Variants in TENM1 observed in about 807,000 individuals in gnomAD.
The protein encoded by TENM1 is teneurin transmembrane protein 1.
Under a neutral mutation model 174.8 loss-of-function variants are expected in TENM1, and 35 were observed. The observed-to-expected ratio is 0.20, with a 90% CI of 0.15 to 0.27. The LOEUF (loss-of-function observed/expected upper bound fraction) is 0.27. Ranked by LOEUF, TENM1 falls within the 10% of genes least tolerant of loss-of-function variation. The pLI is 1.00. For missense variants in TENM1, 1,633 were observed against 2,130.1 expected, an observed-to-expected ratio of 0.77 and a Z score of 4.59; for synonymous variants, 781 against 798.7, an observed-to-expected ratio of 0.98 and a Z score of 0.37.
At chrX:125,020,477 G>GT in the TENM1 span, among the ~76,000 whole-genome samples, 1 of 108,851 alleles carries the variant, frequency 9.2e-6, no homozygotes, top group Admixed American at 9.9e-5. Context: ...CTTTCCCAAA[G>GT]TTTTTTTCCT....
intron 11 of TENM1, 31 bp downstream of exon 14, chrX:124,641,760 A>G (rs1221187891): frequency 6.1e-6 from 7 of 1,151,689 alleles, no homozygotes; most frequent in South Asian, 3.6e-5. Flanking sequence ...TTAAGAGTAG[A>G]GGAAGGAGAA....
At chrX:124,927,996 T>C (rs367929868) in intron 1 of TENM1, among the ~76,000 whole-genome samples, 286 of 591 alleles carry the variant, frequency 0.48, 3 homozygotes, top group Admixed American at 0.59. Context: ...TGACAACCAG[T>C]GTCATTTGAT....
chrX:124,855,406 C>T (rs761869618), intron 3 of TENM1, among the ~76,000 whole-genome samples: 22 of 111,657 alleles, frequency 2.0e-4, no homozygotes, highest in Non-Finnish European at 4.0e-4. Flanking sequence ...AAGTGTACTA[C>T]TTTGTGTGAA....
the TENM1 span, among the ~76,000 whole-genome samples, chrX:125,050,487 G>GA: frequency 1.8e-5 from 2 of 111,157 alleles, no homozygotes; most frequent in Non-Finnish European, 3.8e-5. Context: ...CAAAGGACAT[G>GA]AACTCATCCT....
chrX:124,910,461 A>T (rs2057817918), intron 1 of TENM1, among the ~76,000 whole-genome samples: 1 of 112,238 alleles, frequency 8.9e-6, no homozygotes, highest in Non-Finnish European at 1.9e-5. Flanking sequence ...TACAGGATAG[A>T]TGTAATATGA....
chrX:125,126,393 C>A, the TENM1 span, among the ~76,000 whole-genome samples: 1 of 111,545 alleles, frequency 9.0e-6, no homozygotes, highest in Non-Finnish European at 1.9e-5. Flanking sequence ...CAGACAGCAT[C>A]AGATTAAGGT....
chrX:124,869,391 A>T (rs948296109), intron 3 of TENM1, among the ~76,000 whole-genome samples: 2 of 111,914 alleles, frequency 1.8e-5, no homozygotes, highest in African/African-American at 6.5e-5. Context: ...CAGTTTGGAG[A>T]TTCTTCAAAA....
the TENM1 span, among the ~76,000 whole-genome samples, chrX:125,070,742 C>T: frequency 9.0e-6 from 1 of 111,503 alleles, no homozygotes; most frequent in African/African-American, 3.3e-5. Flanking sequence ...ATTCTGTGTT[C>T]CTCAAACTGG....
intron 25 of TENM1, among the ~76,000 whole-genome samples, chrX:124,407,366 T>G (rs1301527529): frequency 8.9e-6 from 1 of 112,214 alleles, no homozygotes; most frequent in East Asian, 2.8e-4. Flanking sequence ...AGTAAACACA[T>G]GTACTTGGAA....
At chrX:124,947,419 T>C (rs764076839) in intron 1 of TENM1, among the ~76,000 whole-genome samples, 2 of 112,100 alleles carry the variant, frequency 1.8e-5, no homozygotes, top group African/African-American at 3.2e-5. Context: ...CCAGTAGACA[T>C]ATGTTCAAGT....
intron 1 of TENM1, among the ~76,000 whole-genome samples, chrX:124,900,524 T>C (rs1172030319): frequency 1.8e-5 from 2 of 111,533 alleles, no homozygotes; most frequent in African/African-American, 3.3e-5. Flanking sequence ...TAAGTATACG[T>C]AGTAAGTGTA....
At chrX:124,679,389 G>A (rs374312279) in intron 5 of TENM1, among the ~76,000 whole-genome samples, 3 of 111,233 alleles carry the variant, frequency 2.7e-5, no homozygotes, top group African/African-American at 9.8e-5. Context: ...AAATATATAC[G>A]AAGTACATTA....
chrX:124,847,876 T>C (rs776433970), intron 3 of TENM1, among the ~76,000 whole-genome samples: 1 of 111,569 alleles, frequency 9.0e-6, no homozygotes, highest in African/African-American at 3.2e-5. Flanking sequence ...GGCATTATTA[T>C]ATATTATCAA....
the TENM1 span, among the ~76,000 whole-genome samples, chrX:125,096,233 G>A: frequency 1.8e-5 from 2 of 111,847 alleles, no homozygotes; most frequent in Non-Finnish European, 3.8e-5. Flanking sequence ...TAAAAACGAA[G>A]ACCAATACTT....
Position 124,417,551 on chromosome X carries a change from T to G in TENM1, c.4982+2760A>C, listed in dbSNP as rs769394326. ...TAAACATGGAGTGCTTCATGGTCAG[T>G]CTTCAGATCTCTTTTCTTCATTGTC... is the stretch of plus-strand genomic sequence containing the variant. On this transcript the variant is annotated intron_variant, in intron 25 of 31. Transcript: ENST00000422452. Among the ~76,000 whole-genome samples, 11 of 111,174 alleles carry G rather than the reference T, an allele frequency of 9.9e-5. No homozygotes were observed. In the South Asian group the frequency reaches 1.2e-3, roughly 12 times the overall value.
chrX:124,556,878 G>A (rs2858442), intron 14 of TENM1, among the ~76,000 whole-genome samples: 32,939 of 110,192 alleles, frequency 0.3, 3,963 homozygotes, highest in African/African-American at 0.45. Flanking sequence ...CTTTCCATGA[G>A]CTTTTTGAAG....
intron 6 of TENM1, among the ~76,000 whole-genome samples, chrX:124,664,532 G>GAAAAAAAAAAAAAA (rs779501054): frequency 3.8e-4 from 11 of 29,257 alleles, no homozygotes; most frequent in Admixed American, 9.9e-4. Flanking sequence ...TAAAGCAAAA[G>GAAAAAAAAAAAAAA]AAAAAAAAAA....
At chrX:124,832,282 G>C (rs973809805) in intron 3 of TENM1, among the ~76,000 whole-genome samples, 5 of 112,263 alleles carry the variant, frequency 4.5e-5, no homozygotes, top group African/African-American at 1.6e-4. Flanking sequence ...GAGGCAAAAT[G>C]AGATAAATAA....
the TENM1 span, among the ~76,000 whole-genome samples, chrX:124,999,898 GA>G: frequency 1.8e-5 from 2 of 111,769 alleles, no homozygotes; most frequent in Non-Finnish European, 3.8e-5. Context: ...GCAGTGTGTA[GA>G]TAAGCTTTTA....
Sources: allele counts gnomAD v4.1 joint callset (sites outside exome capture counted in the v4.1 genomes callset), GRCh38; gene constraint gnomAD v4.1.1; transcripts MANE v1.5; gene names NCBI Gene and HGNC (gene_info 2026-07-23, HGNC 2026-07-21).